The following MEIKIN variants were observed in gnomAD, a reference collection of about 807,000 sequenced individuals.
MEIKIN encodes meiotic kinetochore factor.
At chr5:131,810,421 TAA>T (rs953027966) in intron 12 of MEIKIN, among the ~76,000 whole-genome samples, 1 of 152,218 alleles carries the variant, frequency 6.6e-6, no homozygotes, top group Non-Finnish European at 1.5e-5. Flanking sequence ...ACCTCAAAGT[TAA>T]AAGTGTCCTC....
intron 8 of MEIKIN, among the ~76,000 whole-genome samples, chr5:131,890,922 G>T (rs1159207006): frequency 6.6e-6 from 1 of 152,106 alleles, no homozygotes; most frequent in African/African-American, 2.4e-5. Context: ...TTGTGTCTTT[G>T]TTCTCATTGG....
intron 8 of MEIKIN, among the ~76,000 whole-genome samples, chr5:131,905,599 A>C (rs1229926167): frequency 6.6e-6 from 1 of 152,204 alleles, no homozygotes; most frequent in African/African-American, 2.4e-5. Context: ...CAAAGGAGAC[A>C]TTACCACTGA....
chr5:131,863,310 T>C (rs1750319619), intron 9 of MEIKIN, among the ~76,000 whole-genome samples: 1 of 152,188 alleles, frequency 6.6e-6, no homozygotes, highest in Non-Finnish European at 1.5e-5. Context: ...TGAGGTCCAT[T>C]TGGTCTAAAG....
chr5:131,886,488 G>A (rs570422070), intron 8 of MEIKIN, among the ~76,000 whole-genome samples: 2 of 152,234 alleles, frequency 1.3e-5, no homozygotes, highest in South Asian at 4.1e-4. Flanking sequence ...ACACTCCAGG[G>A]GAGAACAGCA....
rs1255490898 is a variant in MEIKIN at position 131,921,887 on chromosome 5, A to C, written c.533T>G (p.Leu178Arg). ...EHMQWKNSTL[L>R]DTSKAVAIEK... is the part of the protein sequence containing the mutation. Reference sequence around the variant, plus strand: ...TATCGCTACTGCTTTACTGGTATCCAGAAGAGTAGAATTCTTCCACTGCAT... The same window carrying C: ...TATCGCTACTGCTTTACTGGTATCCCGAAGAGTAGAATTCTTCCACTGCAT... Residue 178 changes from leucine to arginine, a missense_variant, in exon 6 of 13, where the codon CTG becomes CGG. Physicochemically the swap from Leu to Arg is moderately radical, Grantham distance 102. Transcript: ENST00000442687. 1.5e-5 allele frequency: 6 copies of C among 398,900 alleles called. No homozygotes were observed. Among genetic ancestry groups the C allele is most frequent in the Non-Finnish European group, 2.7e-5 (6 of 226,048 alleles). The allele number at this position is 398,900 out of a possible 1,614,324, so 24.7% of individuals were successfully genotyped here. A position where few individuals can be genotyped will look rare whatever the true frequency, so the allele number is the denominator to read the frequency against.
At chr5:131,872,037 A>C (rs1032898004) in intron 9 of MEIKIN, among the ~76,000 whole-genome samples, 1 of 152,168 alleles carries the variant, frequency 6.6e-6, no homozygotes, top group Non-Finnish European at 1.5e-5. Context: ...ATAAAACCAC[A>C]AAGATGGGGA....
intron 11 of MEIKIN, among the ~76,000 whole-genome samples, chr5:131,840,868 C>T (rs1334213966): frequency 6.6e-6 from 1 of 152,214 alleles, no homozygotes; most frequent in African/African-American, 2.4e-5. Context: ...ATCTCTGCCA[C>T]ATTCAGAATG....
At chr5:131,941,321 G>C (rs1441723703) in intron 4 of MEIKIN, among the ~76,000 whole-genome samples, 2 of 146,518 alleles carry the variant, frequency 1.4e-5, no homozygotes, top group African/African-American at 5.5e-5. Flanking sequence ...ACCACGCCTG[G>C]CTAAATTTTG....
At chr5:131,827,004 A>T (rs74844026) in intron 11 of MEIKIN, among the ~76,000 whole-genome samples, 5,540 of 152,098 alleles carry the variant, frequency 0.036, 122 homozygotes, top group East Asian at 0.11. Flanking sequence ...ATTTTTTTTT[A>T]AATTTTTAAG....
intron 6 of MEIKIN, among the ~76,000 whole-genome samples, chr5:131,920,962 A>G (rs1174893777): frequency 6.6e-6 from 1 of 152,046 alleles, no homozygotes; most frequent in East Asian, 1.9e-4. Context: ...TCAGTCTCCC[A>G]AAGTGCTGGG....
Position 131,933,655 on chromosome 5 carries a change from G to C in MEIKIN, c.350-14C>G. The stretch of plus-strand genomic sequence containing the variant: ...GCAAACTTAATCCTGTAGAATAAAG[G>C]AAAAAAAAATTGATAAATCTTTTGA... On this transcript the variant is annotated splice_polypyrimidine_tract_variant and intron_variant, in intron 4 of 12. Coordinates refer to ENST00000442687, the MANE Select transcript of MEIKIN (RefSeq NM_001303622.2). 1 of 393,576 alleles carries C rather than the reference G, an allele frequency of 2.5e-6. No homozygotes were observed. The highest frequency in any genetic ancestry group is 4.5e-6 in the Non-Finnish European group (1 of 223,402). 24.4% of individuals were successfully genotyped at this position (393,576 alleles called of 1,614,324 possible).
intron 3 of MEIKIN, 55 bp downstream of exon 3, chr5:131,944,610 T>C (rs958018030): frequency 2.5e-6 from 1 of 398,840 alleles, no homozygotes; most frequent in African/African-American, 2.1e-5. Context: ...GTACATCAGG[T>C]ACTGATAGTC....
intron 11 of MEIKIN, among the ~76,000 whole-genome samples, chr5:131,840,764 C>T (rs138346163): frequency 6.6e-6 from 1 of 152,154 alleles, no homozygotes; most frequent in African/African-American, 2.4e-5. Context: ...TACTGTGATA[C>T]TTAGCTTCCT....
chr5:131,845,483 T>C (rs1750002773), intron 11 of MEIKIN, among the ~76,000 whole-genome samples: 1 of 151,194 alleles, frequency 6.6e-6, no homozygotes, highest in Non-Finnish European at 1.5e-5. Flanking sequence ...GATAAATGTA[T>C]TCAAAAACTT....
intron 4 of MEIKIN, among the ~76,000 whole-genome samples, chr5:131,940,971 GC>G (rs1370766045): frequency 8.6e-5 from 13 of 151,682 alleles, no homozygotes; most frequent in Admixed American, 7.2e-4. Context: ...TTAAGAGCCA[GC>G]CCCCCCGATA....
chr5:131,856,706 T>C (rs1054604439), intron 9 of MEIKIN, among the ~76,000 whole-genome samples: 4 of 152,274 alleles, frequency 2.6e-5, no homozygotes, highest in African/African-American at 9.6e-5. Flanking sequence ...AATTGTCAAC[T>C]ATCAGTCCAA....
At chr5:131,862,308 T>C (rs1204041847) in intron 9 of MEIKIN, among the ~76,000 whole-genome samples, 1 of 152,146 alleles carries the variant, frequency 6.6e-6, no homozygotes, top group Non-Finnish European at 1.5e-5. Context: ...TTTTCATTCC[T>C]GATTTTGTTT....
chr5:131,869,744 C>T (rs942533658), intron 9 of MEIKIN, among the ~76,000 whole-genome samples: 6 of 152,314 alleles, frequency 3.9e-5, no homozygotes, highest in East Asian at 1.9e-4. Flanking sequence ...GGACCACCTA[C>T]GACTCTCAGA....
intron 8 of MEIKIN, among the ~76,000 whole-genome samples, chr5:131,903,544 C>T (rs1051890495): frequency 2.0e-5 from 3 of 152,132 alleles, no homozygotes; most frequent in African/African-American, 7.2e-5. Context: ...TCATATCCAG[C>T]CAAACCAAGC....
Sources: gnomAD v4.1 joint callset for allele counts (sites outside exome capture counted in the v4.1 genomes callset) on GRCh38, gnomAD v4.1.1 for gene constraint, MANE v1.5 for transcripts, NCBI Gene and HGNC (gene_info 2026-07-23, HGNC 2026-07-21) for gene names.